The following SORD variants were observed in gnomAD, a reference collection of about 807,000 sequenced individuals.
SORD encodes the protein sorbitol dehydrogenase, also known as (R,R)-butanediol dehydrogenase.
SORD carries 18 observed loss-of-function variants against 35.6 expected under a neutral mutation model. That is an observed-to-expected ratio of 0.51 (90% confidence interval 0.35 to 0.75). SORD has a LOEUF of 0.75. SORD is among the 30% of genes least tolerant of loss of function. SORD has a pLI of 0.01. For missense variants in SORD, 250 were observed against 390.2 expected (o/e 0.64, Z 3.03); for synonymous variants, 106 against 152.9 (o/e 0.69, Z 2.26).
intron 3 of SORD, among the ~76,000 whole-genome samples, chr15:45,043,665 C>T (rs1303161478): frequency 6.7e-6 from 1 of 149,336 alleles, no homozygotes; most frequent in Non-Finnish European, 1.5e-5. Context: ...TTTACCCAGA[C>T]CCTTGGTTCA....
intron 3 of SORD, among the ~76,000 whole-genome samples, chr15:45,045,618 A>G (rs368730760): frequency 2.0e-5 from 3 of 151,872 alleles, no homozygotes; most frequent in African/African-American, 7.3e-5. Flanking sequence ...ACATCTGGGT[A>G]CAGATAAGTC....
rs370804535 is a variant in SORD, at chr15:45,041,463, C to T, written c.100+1022C>T. ...ACTTTGTCCTACCTCACACCAGAAC[C>T]GCAGCTTCTGGGTGAACATCAGATC... On this transcript the variant is annotated intron_variant, in intron 2 of 8. Coordinates refer to ENST00000267814, the MANE Select transcript of SORD (RefSeq NM_003104.6). Among the ~76,000 whole-genome samples the T allele has an allele frequency of 3.5e-4, 53 of 152,044 alleles. 1 individual carries two copies. In the East Asian group the frequency reaches 7.9e-3, roughly 23 times the overall value.
At chr15:45,039,844 G>T (rs1892937942) in intron 1 of SORD, among the ~76,000 whole-genome samples, 1 of 152,222 alleles carries the variant, frequency 6.6e-6, no homozygotes, top group African/African-American at 2.4e-5. Flanking sequence ...GGAGGAGTTT[G>T]TCAGACCAAA....
At position 45,054,409 on chromosome 15, in the gene SORD, C is replaced by G. The variant is rs1893179368; in HGVS notation, c.266-6658C>G. Among the ~76,000 whole-genome samples, 5 of 152,240 alleles carry G rather than the reference C, an allele frequency of 3.3e-5. No homozygotes were observed. In the South Asian group the frequency reaches 1.0e-3, roughly 32 times the overall value. ...TCTGATGGCCAGTGATGATGAGCAT[C>G]TTTTCATGTGTTTTTTGGCTGCATA... On this transcript the variant is annotated intron_variant, in intron 3 of 8. Coordinates refer to ENST00000267814, the MANE Select transcript of SORD (RefSeq NM_003104.6).
At chr15:45,030,624 T>C (rs993533902) in intron 1 of SORD, among the ~76,000 whole-genome samples, 2 of 152,262 alleles carry the variant, frequency 1.3e-5, no homozygotes, top group African/African-American at 4.8e-5. Context: ...CTCAGAGACT[T>C]AGAATTTTTG....
rs754157351 is a variant in SORD at position 45,068,459 on chromosome 15, GTGTGTC to G, written c.610+219_610+224del. On this transcript the variant is annotated intron_variant, in intron 6 of 8. Coordinates refer to ENST00000267814, the MANE Select transcript of SORD (RefSeq NM_003104.6). ...AGTTTGTGTGAGAGAGTGTGTGTGT[GTGTGTC>G]TGTGTGTAGCTGTATGGTGGATATG... 1.6e-3 allele frequency among the ~76,000 whole-genome samples: 247 copies of G among 150,476 alleles called. 3 individuals carry two copies. Among genetic ancestry groups the G allele is most frequent in the South Asian group, 0.015 (71 of 4,740 alleles).
rs1304355968 is a variant in SORD, at chr15:45,049,925, CA to C, written c.265+6509del. ...TTCTCTTGCCAGTCCTCACTTTTGT[CA>C]AAAACAAATCACAGTAAGACTGAGT... On this transcript the variant is annotated intron_variant, in intron 3 of 8. Transcript: ENST00000267814. Among the ~76,000 whole-genome samples, 3 of 152,188 alleles carry C rather than the reference CA, an allele frequency of 2.0e-5. No homozygotes were observed. The East Asian group carries it at 5.8e-4, about 29-fold the overall frequency.
intron 4 of SORD, among the ~76,000 whole-genome samples, chr15:45,063,982 C>A (rs1417438035): frequency 2.0e-5 from 3 of 148,650 alleles, no homozygotes; most frequent in Non-Finnish European, 4.5e-5. Context: ...GTGAGTAGTT[C>A]TGTCAAGGAT....
intron 1 of SORD, among the ~76,000 whole-genome samples, chr15:45,039,274 G>C (rs1245894220): frequency 6.6e-6 from 1 of 152,030 alleles, no homozygotes; most frequent in Non-Finnish European, 1.5e-5. Context: ...GACTACAGGC[G>C]CGTGCCACCA....
chr15:45,025,644 A>G (rs1892656849), intron 1 of SORD, among the ~76,000 whole-genome samples: 1 of 150,250 alleles, frequency 6.7e-6, no homozygotes, highest in Non-Finnish European at 1.5e-5. Flanking sequence ...AAAAAAAAAA[A>G]GATGTCTCTG....
intron 4 of SORD, among the ~76,000 whole-genome samples, chr15:45,063,895 T>G (rs1893363331): frequency 1.4e-5 from 2 of 144,130 alleles, no homozygotes; most frequent in Non-Finnish European, 3.0e-5. Context: ...TGGATTGGAG[T>G]AGGGGAAGTG....
At position 45,068,165 on chromosome 15, in the gene SORD, C is replaced by A; in HGVS notation, c.545-16C>A. 6.2e-7 allele frequency: 1 copy of A among 1,609,354 alleles called. No homozygotes were observed. Among genetic ancestry groups the A allele is most frequent in the Admixed American group, 1.7e-5 (1 of 60,020 alleles). On this transcript the variant is annotated splice_polypyrimidine_tract_variant and intron_variant, in intron 5 of 8. Coordinates refer to ENST00000267814, the MANE Select transcript of SORD (RefSeq NM_003104.6). Reference sequence around the variant, plus strand: ...TTAATATTTCACGAACATATTCCATCTTCTGCTTTGTTTAGGGCCAATCGG... The same window carrying A: ...TTAATATTTCACGAACATATTCCATATTCTGCTTTGTTTAGGGCCAATCGG...
intron 3 of SORD, among the ~76,000 whole-genome samples, chr15:45,048,927 G>A (rs1162458448): frequency 6.6e-6 from 1 of 152,156 alleles, no homozygotes; most frequent in African/African-American, 2.4e-5. Flanking sequence ...TATCTGTGCA[G>A]CTGTGAGCAT....
chr15:45,050,264 G>A (rs918067648), intron 3 of SORD, among the ~76,000 whole-genome samples: 1 of 152,098 alleles, frequency 6.6e-6, no homozygotes, highest in African/African-American at 2.4e-5. Flanking sequence ...TGTATTTTTA[G>A]TAGAGATGGG....
At chr15:45,029,691 C>T (rs1335909699) in intron 1 of SORD, among the ~76,000 whole-genome samples, 1 of 152,252 alleles carries the variant, frequency 6.6e-6, no homozygotes, top group Non-Finnish European at 1.5e-5. Context: ...ACTTGGTGGG[C>T]CCTGAGCTCT....
At chr15:45,040,480 C>T (rs1209719827) in intron 2 of SORD, 39 bp downstream of exon 2, 2 of 1,484,118 alleles carry the variant, frequency 1.3e-6, no homozygotes, top group South Asian at 1.1e-5. Context: ...TTTATTATTT[C>T]CTGTTGTTTC....
intron 1 of SORD, among the ~76,000 whole-genome samples, chr15:45,033,910 C>T (rs1290287801): frequency 6.6e-6 from 1 of 151,968 alleles, no homozygotes; most frequent in African/African-American, 2.4e-5. Context: ...CCTGATTTCT[C>T]GGAAGGTCAT....
chr15:45,028,648 G>T (rs78356192), intron 1 of SORD, among the ~76,000 whole-genome samples: 31,098 of 150,498 alleles, frequency 0.21, no homozygotes, highest in African/African-American at 0.44. Flanking sequence ...ATTATAAAGG[G>T]CAGAAAAATT....
At chr15:45,070,290 G>C (rs1893489429) in intron 7 of SORD, 1 of 152,396 alleles carries the variant, frequency 6.6e-6, no homozygotes, top group African/African-American at 2.4e-5. Context: ...CACCACAGGG[G>C]ACTCCTGTCC....
Sources: allele counts gnomAD v4.1 joint callset (sites outside exome capture counted in the v4.1 genomes callset), GRCh38; gene constraint gnomAD v4.1.1; transcripts MANE v1.5; gene names NCBI Gene and HGNC (gene_info 2026-07-23, HGNC 2026-07-21).